The following FTCDNL1 variants were observed in gnomAD, a reference collection of about 807,000 sequenced individuals.
The protein encoded by FTCDNL1 is formiminotransferase cyclodeaminase N-terminal like.
A neutral mutation model predicts 5.9 loss-of-function variants in FTCDNL1; 11 were observed. That is an observed-to-expected ratio of 1.87 (90% CI 1.18 to 3.10). The LOEUF (loss-of-function observed/expected upper bound fraction) is 3.10, where lower values mean the gene tolerates loss of function less well. FTCDNL1 is among the 30% of genes most tolerant of loss of function. FTCDNL1 has a pLI of 0.00. For synonymous variants in FTCDNL1, 58 were observed against 24.8 expected (o/e 2.34, Z -3.99); for missense variants, 115 against 65.5 (o/e 1.76, Z -2.61).
the FTCDNL1 span, among the ~76,000 whole-genome samples, chr2:199,727,062 G>T: frequency 6.6e-6 from 1 of 152,204 alleles, no homozygotes; most frequent in East Asian, 1.9e-4. Flanking sequence ...CAGGGGCTCT[G>T]TCCAAGGGAA....
the FTCDNL1 span, among the ~76,000 whole-genome samples, chr2:199,677,991 A>G: frequency 6.6e-6 from 1 of 152,230 alleles, no homozygotes; most frequent in African/African-American, 2.4e-5. Context: ...GGCTGCTTAA[A>G]TGAATCCTAC....
intron 3 of FTCDNL1, among the ~76,000 whole-genome samples, chr2:199,783,186 G>T (rs1285846082): frequency 6.6e-6 from 1 of 152,162 alleles, no homozygotes. Flanking sequence ...AAGCTTTACT[G>T]CAAGGCCATG....
intron 3 of FTCDNL1, among the ~76,000 whole-genome samples, chr2:199,792,736 G>T (rs535928989): frequency 6.6e-6 from 1 of 152,222 alleles, no homozygotes; most frequent in East Asian, 1.9e-4. Context: ...CCAGCATAGA[G>T]ATTTATCTCC....
the FTCDNL1 span, among the ~76,000 whole-genome samples, chr2:199,742,921 G>A: frequency 3.3e-5 from 5 of 152,250 alleles, no homozygotes; most frequent in East Asian, 3.9e-4. Context: ...AATGGGTCTC[G>A]CAAAAACCCA....
chr2:199,771,549 C>A (rs963050092), intron 3 of FTCDNL1, among the ~76,000 whole-genome samples: 1 of 152,154 alleles, frequency 6.6e-6, no homozygotes, highest in Non-Finnish European at 1.5e-5. Context: ...ACATAAAACA[C>A]AGTTTAAGAC....
intron 3 of FTCDNL1, among the ~76,000 whole-genome samples, chr2:199,823,289 A>T (rs1338452196): frequency 6.6e-6 from 1 of 152,078 alleles, no homozygotes; most frequent in African/African-American, 2.4e-5. Context: ...TGAGGGTTGG[A>T]ACCAACTTCT....
intron 3 of FTCDNL1, among the ~76,000 whole-genome samples, chr2:199,835,039 A>G (rs779018506): frequency 3.9e-5 from 6 of 152,134 alleles, no homozygotes; most frequent in South Asian, 2.1e-4. Context: ...TTAGCTGGAC[A>G]TGGTGATACA....
chr2:199,849,083 T>C (rs746603798), intron 1 of FTCDNL1, 114 bp from the exon 2 acceptor site: 12 of 608,792 alleles, frequency 2.0e-5, no homozygotes, highest in Non-Finnish European at 2.9e-5. Context: ...ATGAGCACTT[T>C]ACTATTTCAT....
At chr2:199,746,150 T>C in the FTCDNL1 span, among the ~76,000 whole-genome samples, 1 of 152,200 alleles carries the variant, frequency 6.6e-6, no homozygotes, top group Non-Finnish European at 1.5e-5. Context: ...CAAGGTTTTA[T>C]GTTAAAGCAG....
the FTCDNL1 span, among the ~76,000 whole-genome samples, chr2:199,676,313 A>G: frequency 4.6e-5 from 7 of 152,092 alleles, no homozygotes; most frequent in Non-Finnish European, 1.0e-4. Flanking sequence ...TTGGTTTTTC[A>G]TACTCCAGCA....
intron 3 of FTCDNL1, among the ~76,000 whole-genome samples, chr2:199,791,112 A>G (rs1197938299): frequency 6.6e-6 from 1 of 152,162 alleles, no homozygotes; most frequent in Admixed American, 6.5e-5. Context: ...ATAAATAGGA[A>G]CTATTACGTA....
chr2:199,755,828 T>G (rs971228264), downstream of FTCDNL1, among the ~76,000 whole-genome samples: 1 of 152,198 alleles, frequency 6.6e-6, no homozygotes, highest in African/African-American at 2.4e-5. Context: ...GGATTAAGCA[T>G]TTAAAGAGAT....
intron 3 of FTCDNL1, among the ~76,000 whole-genome samples, chr2:199,843,108 A>C (rs1248315940): frequency 1.3e-5 from 2 of 152,198 alleles, no homozygotes; most frequent in Non-Finnish European, 2.9e-5. Flanking sequence ...ATTTCAAATC[A>C]AATGTTATAA....
At chr2:199,790,368 T>A (rs1444894701) in intron 3 of FTCDNL1, among the ~76,000 whole-genome samples, 1 of 151,934 alleles carries the variant, frequency 6.6e-6, no homozygotes, top group African/African-American at 2.4e-5. Flanking sequence ...CATAGTGATG[T>A]GTGCCTATAG....
At chr2:199,775,965 G>A (rs1320000628) in intron 3 of FTCDNL1, among the ~76,000 whole-genome samples, 1 of 147,652 alleles carries the variant, frequency 6.8e-6, no homozygotes, top group East Asian at 2.0e-4. Flanking sequence ...CCAGGCTGGA[G>A]TGCAGTGGCG....
chr2:199,789,574 G>T (rs1699821664), intron 3 of FTCDNL1, among the ~76,000 whole-genome samples: 2 of 152,036 alleles, frequency 1.3e-5, no homozygotes, highest in South Asian at 4.1e-4. Flanking sequence ...TTAGCAAGTA[G>T]GCCCAGTATC....
chr2:199,799,343 T>C (rs1360622395), intron 3 of FTCDNL1, among the ~76,000 whole-genome samples: 1 of 152,212 alleles, frequency 6.6e-6, no homozygotes, highest in Non-Finnish European at 1.5e-5. Flanking sequence ...CAGAGCTTAG[T>C]TGGCCACACA....
chr2:199,772,036 C>T (rs1033769253), intron 3 of FTCDNL1, among the ~76,000 whole-genome samples: 3 of 152,344 alleles, frequency 2.0e-5, no homozygotes, highest in South Asian at 4.1e-4. Context: ...CATCACTGCT[C>T]TTACACTTTG....
the FTCDNL1 span, among the ~76,000 whole-genome samples, chr2:199,742,584 A>C: frequency 1.3e-5 from 2 of 152,224 alleles, no homozygotes; most frequent in Non-Finnish European, 2.9e-5. Flanking sequence ...ACTATGTGCC[A>C]GGCTCCATAC....
Sources: gnomAD v4.1 joint callset for allele counts (sites outside exome capture counted in the v4.1 genomes callset) on GRCh38, gnomAD v4.1.1 for gene constraint, MANE v1.5 for transcripts, NCBI Gene and HGNC (gene_info 2026-07-23, HGNC 2026-07-21) for gene names.